Variants in STON2 observed in about 807,000 individuals in gnomAD.
The protein encoded by STON2 is stonin 2, also known as stonin-2.
Under a neutral mutation model 65.7 loss-of-function variants are expected in STON2, and 29 were observed. The ratio of observed to expected loss-of-function variants is 0.44; its 90% CI spans 0.33 to 0.60. The LOEUF (loss-of-function observed/expected upper bound fraction) is 0.60. Ranked by LOEUF, STON2 falls within the 20% of genes least tolerant of loss-of-function variation. The probability of loss-of-function intolerance (pLI) is 0.03; values close to 1 mark genes in which losing one functional copy is unlikely to be tolerated. For missense variants in STON2, 1,054 were observed against 1,118.1 expected, an observed-to-expected ratio of 0.94 and a Z score of 0.82; for synonymous variants, 404 against 414.2, an observed-to-expected ratio of 0.98 and a Z score of 0.30.
At chr14:81,385,447 G>T (rs780426240) in intron 3 of STON2, among the ~76,000 whole-genome samples, 2 of 152,166 alleles carry the variant, frequency 1.3e-5, no homozygotes, top group Admixed American at 6.5e-5. Context: ...ATGTATCTAT[G>T]TATATGTCCA....
At chr14:81,375,683 C>T (rs1056223343) in intron 3 of STON2, among the ~76,000 whole-genome samples, 5 of 151,786 alleles carry the variant, frequency 3.3e-5, no homozygotes, top group East Asian at 3.9e-4. Flanking sequence ...AAAATGACCA[C>T]GCTGATCTAA....
intron 5 of STON2, among the ~76,000 whole-genome samples, chr14:81,279,100 T>C (rs1435043786): frequency 6.6e-6 from 1 of 152,192 alleles, no homozygotes; most frequent in African/African-American, 2.4e-5. Context: ...TTTTAAACAT[T>C]GAAAGCCATC....
chr14:81,385,923 G>A (rs79937984), intron 3 of STON2, among the ~76,000 whole-genome samples: 26,950 of 152,102 alleles, frequency 0.18, 3,076 homozygotes, highest in East Asian at 0.44. Context: ...AGAGAGTGGA[G>A]GTGGAGGGTT....
chr14:81,415,279 G>C (rs1901371505), intron 2 of STON2, among the ~76,000 whole-genome samples: 1 of 150,950 alleles, frequency 6.6e-6, no homozygotes, highest in Non-Finnish European at 1.5e-5. Context: ...CAGCATTTCA[G>C]AGAAATGCTG....
At position 81,268,447 on chromosome 14, in the gene STON2, T is replaced by C; in HGVS notation, c.2835A>G (p.Glu945=). The C allele has an allele frequency of 7.8e-7, 1 of 1,289,620 alleles. No homozygotes were observed. Among genetic ancestry groups the C allele is most frequent in the Non-Finnish European group, 1.0e-6 (1 of 988,716 alleles). The allele number at this position is 1,289,620 out of a possible 1,614,324, so 79.9% of individuals were successfully genotyped here. ...CTCCACACTCCTTGGGATTTTCCATTTCATCTCCTTCAAAGTCCGGCTTCA... is the reference window on the plus strand; with the variant it reads ...CTCCACACTCCTTGGGATTTTCCATCTCATCTCCTTCAAAGTCCGGCTTCA... The part of the protein sequence containing the change: ...KSLKPDFEGD[E]MENPKECGVQ Residue 945 remains glutamate, a synonymous_variant, in exon 8 of 8, where the codon GAA becomes GAG. Coordinates refer to ENST00000614646, the MANE Select transcript of STON2 (RefSeq NM_001394390.1).
At chr14:81,281,182 G>A (rs1438730572) in intron 5 of STON2, among the ~76,000 whole-genome samples, 2 of 152,090 alleles carry the variant, frequency 1.3e-5, no homozygotes, top group African/African-American at 4.8e-5. Context: ...TTAAAGATGA[G>A]AATCTCCTTC....
In STON2 at chr14:81,262,185, C is replaced by T; in HGVS notation, c.*6229G>A. The T allele has an allele frequency of 1.0e-6, 1 of 985,382 alleles. No homozygotes were observed. The highest frequency in any genetic ancestry group is 1.2e-6 in the Non-Finnish European group (1 of 829,920). 61.0% of individuals were successfully genotyped at this position (985,382 alleles called of 1,614,324 possible). A position where few individuals can be genotyped will look rare whatever the true frequency, so the allele number is the denominator to read the frequency against. On this transcript the variant is annotated 3_prime_UTR_variant, in exon 8 of 8. Transcript: ENST00000614646. ...GGAAACTGAAGCCCAATTGGGAAAA[C>T]AGCAACTTACTTAACATAGTGATTG...
chr14:81,278,873 TC>T (rs1220689315), intron 5 of STON2, 134 bp from the exon 6 acceptor site: 1 of 659,910 alleles, frequency 1.5e-6, no homozygotes, highest in Non-Finnish European at 2.4e-6. Context: ...ATTATCTGTT[TC>T]AAGTGCTTAG....
intron 2 of STON2, among the ~76,000 whole-genome samples, chr14:81,426,772 C>G (rs1368252605): frequency 1.3e-5 from 2 of 152,176 alleles, no homozygotes; most frequent in Non-Finnish European, 2.9e-5. Context: ...ATATTTCTCA[C>G]ATGATTCTTT....
chr14:81,272,900 T>C (rs762767011), intron 6 of STON2, among the ~76,000 whole-genome samples: 10 of 152,152 alleles, frequency 6.6e-5, no homozygotes, highest in Non-Finnish European at 1.3e-4. Context: ...TCTGAGAGGG[T>C]TAAGTAAATT....
chr14:81,317,876 C>T (rs1595344950), intron 5 of STON2, among the ~76,000 whole-genome samples: 1 of 152,134 alleles, frequency 6.6e-6, no homozygotes, highest in African/African-American at 2.4e-5. Context: ...GAAACAGAGG[C>T]ATTCTACAGG....
At chr14:81,286,969 T>C (rs1011818874) in intron 5 of STON2, among the ~76,000 whole-genome samples, 7 of 152,216 alleles carry the variant, frequency 4.6e-5, no homozygotes, top group Admixed American at 3.9e-4. Context: ...CCCATTACCT[T>C]TTGAGATTGG....
chr14:81,294,755 AACTC>A (rs1359673686), intron 5 of STON2, among the ~76,000 whole-genome samples: 2 of 152,146 alleles, frequency 1.3e-5, no homozygotes, highest in African/African-American at 4.8e-5. Context: ...CTCTACCACA[AACTC>A]ACTGAGGTCT....
Position 81,266,573 on chromosome 14 carries a change from G to A in STON2, c.*1841C>T. ...CTATGGACACAATCAACTTATTAAT[G>A]TCTCTCTTAAAATATGATACCCATA... On this transcript the variant is annotated 3_prime_UTR_variant, in exon 8 of 8. Coordinates refer to ENST00000614646, the MANE Select transcript of STON2 (RefSeq NM_001394390.1). 1 of 695,996 alleles carries A rather than the reference G, an allele frequency of 1.4e-6. No individual in the cohort carries two copies. Among genetic ancestry groups the A allele is most frequent in the South Asian group, 6.4e-5 (1 of 15,700 alleles). The allele number at this position is 695,996 out of a possible 1,614,324, so 43.1% of individuals were successfully genotyped here.
At chr14:81,418,762 T>C (rs1329314748) in intron 2 of STON2, among the ~76,000 whole-genome samples, 1 of 152,224 alleles carries the variant, frequency 6.6e-6, no homozygotes, top group South Asian at 2.1e-4. Context: ...TTTCCACAAA[T>C]TTATTAATTT....
At chr14:81,315,519 C>CGCG (rs67063549) in intron 5 of STON2, among the ~76,000 whole-genome samples, 7 of 7,348 alleles carry the variant, frequency 9.5e-4, no homozygotes, top group South Asian at 2.8e-3. Context: ...AGGCAGGTGA[C>CGCG]GATACTGGCA....
At chr14:81,400,958 A>G (rs1424367501), upstream of STON2, among the ~76,000 whole-genome samples, 11 of 152,226 alleles carry the variant, frequency 7.2e-5, no homozygotes, top group African/African-American at 2.7e-4. Flanking sequence ...CTCTGTAACG[A>G]TGACAATGAA....
At chr14:81,436,221 G>GCCCGCCCCCGCC (rs565891885) in intron 1 of STON2, 40 of 151,556 alleles carry the variant, frequency 2.6e-4, no homozygotes, top group African/African-American at 7.7e-4. Flanking sequence ...CTCGCGGCCG[G>GCCCGCCCCCGCC]CCCGCCCCCG....
At chr14:81,362,262 GAA>G (rs1595395683) in intron 4 of STON2, among the ~76,000 whole-genome samples, 2 of 152,244 alleles carry the variant, frequency 1.3e-5, no homozygotes, top group South Asian at 2.1e-4. Flanking sequence ...AATGGATGAA[GAA>G]AATGTGGCAT....
Sources: allele counts gnomAD v4.1 joint callset (sites outside exome capture counted in the v4.1 genomes callset), GRCh38; gene constraint gnomAD v4.1.1; transcripts MANE v1.5; gene names NCBI Gene and HGNC (gene_info 2026-07-23, HGNC 2026-07-21).